The following TEX14 variants were observed in gnomAD, a reference collection of about 807,000 sequenced individuals.
TEX14 encodes the protein inactive serine/threonine-protein kinase TEX14.
Under a neutral mutation model 178.6 loss-of-function variants are expected in TEX14, and 168 were observed. That is an observed-to-expected ratio of 0.94 (90% CI 0.83 to 1.07). The LOEUF is 1.07. Ranked by LOEUF, TEX14 falls within the 50% of genes least tolerant of loss-of-function variation. The pLI, the probability that TEX14 is intolerant of heterozygous loss-of-function variation, is 0.00. For synonymous variants in TEX14, 626 were observed against 634.1 expected, an observed-to-expected ratio of 0.99 and a Z score of 0.19; for missense variants, 1,730 against 1,753.6, an observed-to-expected ratio of 0.99 and a Z score of 0.24.
At chr17:58,639,252 C>T (rs966764052) in intron 2 of TEX14, among the ~76,000 whole-genome samples, 3 of 151,828 alleles carry the variant, frequency 2.0e-5, no homozygotes, top group Admixed American at 6.6e-5. Context: ...GCTATGAGGA[C>T]GCAAAGGCAT....
intron 2 of TEX14, among the ~76,000 whole-genome samples, chr17:58,631,364 C>T (rs149928192): frequency 1.1e-4 from 16 of 152,192 alleles, no homozygotes; most frequent in Non-Finnish European, 2.2e-4. Flanking sequence ...GAAACTGAAG[C>T]ATGAGGACTG....
chr17:58,619,725 C>A lies in TEX14; in HGVS notation c.554+1925G>T, dbSNP rs190767109. On this transcript the variant is annotated intron_variant, in intron 5 of 31. Coordinates refer to ENST00000349033, the MANE Select transcript of TEX14 (RefSeq NM_031272.5). ...GCTGAGGCAGGAGAATTGCTTGAACCCAGGAGACAGAGGTTGTGGTGAGCC... is the reference window on the plus strand; with the variant it reads ...GCTGAGGCAGGAGAATTGCTTGAACACAGGAGACAGAGGTTGTGGTGAGCC... Among the ~76,000 whole-genome samples, 39 of 150,782 alleles carry A rather than the reference C, an allele frequency of 2.6e-4. 1 individual carries two copies. In the East Asian group the frequency reaches 6.0e-3, roughly 23 times the overall value.
intron 1 of TEX14, among the ~76,000 whole-genome samples, chr17:58,667,985 C>G (rs1446511992): frequency 6.6e-6 from 1 of 151,476 alleles, no homozygotes; most frequent in Non-Finnish European, 1.5e-5. Flanking sequence ...TGTGCATGTT[C>G]TTGTAAAATC....
intron 1 of TEX14, chr17:58,677,762 C>G (rs1321566046): frequency 6.6e-6 from 1 of 152,232 alleles, no homozygotes; most frequent in Non-Finnish European, 1.5e-5. Flanking sequence ...TGCCTGACAT[C>G]TCACCCTCAG....
chr17:58,561,554 C>T lies in TEX14; in HGVS notation c.4123G>A (p.Val1375Met), dbSNP rs367928638. ...ERWLQPPEES[V>M]ELQDLPKGSE... ...CCCTTGGGAAGGTCTTGTAGCTCCA[C>T]GCTCTCCTCAGGTGGCTGCAGCCAT... is the stretch of plus-strand genomic sequence containing the variant. Residue 1375 changes from valine (V) to methionine (M), a missense_variant, in exon 29 of 32, where the codon GTG becomes ATG. Physicochemically the swap from Val to Met is conservative, Grantham distance 21. Around this residue, in one of 2 missense-constraint regions of TEX14, gnomAD observed 941 missense variants for 1,072.4 expected, o/e 0.88. Coordinates refer to ENST00000349033, the MANE Select transcript of TEX14 (RefSeq NM_031272.5). 8.1e-6 allele frequency: 13 copies of T among 1,613,818 alleles called. No homozygotes were observed. Among genetic ancestry groups the T allele is most frequent in the East Asian group, 4.5e-5 (2 of 44,890 alleles).
rs376389660 is a variant in TEX14, at chr17:58,644,031, A to C, written c.136+7835T>G. On this transcript the variant is annotated intron_variant, in intron 2 of 31. Transcript: ENST00000349033. ...TATTCACACCTGTGTTACATGACGG[A>C]GGTAGGTTACCAAAAAGACCAAGCT... is the stretch of plus-strand genomic sequence containing the variant. 6.6e-5 allele frequency among the ~76,000 whole-genome samples: 10 copies of C among 151,550 alleles called. No individual in the cohort carries two copies. In the South Asian group the frequency reaches 2.1e-3, roughly 32 times the overall value.
chr17:58,561,443 T>A, intron 29 of TEX14, 77 bp downstream of exon 29: 1 of 966,262 alleles, frequency 1.0e-6, no homozygotes, highest in Non-Finnish European at 1.7e-6. Flanking sequence ...CATCAGGCAT[T>A]CATTCTCCAA....
rs9916781 is a variant in TEX14, at chr17:58,638,878, T to C, written c.137-8324A>G. On this transcript the variant is annotated intron_variant, in intron 2 of 31. Transcript: ENST00000349033. ...TCTTTTTTTTTTTTTTTTTTTTTTT[T>C]GGGGAGACGGAGTCTTGCTCTGTTG... Among the ~76,000 whole-genome samples the C allele has an allele frequency of 4.9e-5, 6 of 123,408 alleles. 1 individual carries two copies. The Middle Eastern group carries it at 0.02, about 415-fold the overall frequency. The allele number at this position is 123,408 out of a possible 152,430, so 81.0% of individuals were successfully genotyped here. A position where few individuals can be genotyped will look rare whatever the true frequency, so the allele number is the denominator to read the frequency against.
In TEX14 at chr17:58,622,910, G is replaced by A. The variant is rs768956440; in HGVS notation, c.354C>T (p.His118=). ...TCTTCGGGTTTTGACCCCTCTCATCGTGGAGTCGCAGGTCACCTCCTGCAT... is the reference window on the plus strand; with the variant it reads ...TCTTCGGGTTTTGACCCCTCTCATCATGGAGTCGCAGGTCACCTCCTGCAT... ...LLDAGGDLRL[H]DERGQNPKTW... is the part of the protein sequence containing the mutation. The change falls in exon 4 of 32, where the codon CAC becomes CAT. Residue 118 remains histidine, a synonymous_variant. Transcript: ENST00000349033. The A allele has an allele frequency of 1.2e-5, 19 of 1,613,094 alleles. No homozygotes were observed. The East Asian group carries it at 1.6e-4, about 13-fold the overall frequency.
At chr17:58,682,542 G>A (rs769430352) in intron 1 of TEX14, among the ~76,000 whole-genome samples, 17 of 152,124 alleles carry the variant, frequency 1.1e-4, no homozygotes, top group Non-Finnish European at 2.2e-4. Flanking sequence ...ACAGGTGTGA[G>A]CCACCACGAC....
In TEX14 at chr17:58,577,076, A is replaced by G. The variant is rs2044695843; in HGVS notation, c.3320+299T>C. Among the ~76,000 whole-genome samples the G allele has an allele frequency of 3.9e-5, 6 of 152,198 alleles. No homozygotes were observed. In the South Asian group the frequency reaches 1.2e-3, roughly 31 times the overall value. Reference sequence around the variant, plus strand: ...ATTATTACTTTAAGTTCCTATTGTCAACATTCTCAGTAAGGATTCTTATCC... The same window carrying G: ...ATTATTACTTTAAGTTCCTATTGTCGACATTCTCAGTAAGGATTCTTATCC... On this transcript the variant is annotated intron_variant, in intron 21 of 31. Coordinates refer to ENST00000349033, the MANE Select transcript of TEX14 (RefSeq NM_031272.5).
Position 58,653,652 on chromosome 17 carries a change from G to A in TEX14, c.-1-1650C>T, listed in dbSNP as rs116061852. Among the ~76,000 whole-genome samples the A allele has an allele frequency of 9.0e-3, 1,369 of 152,212 alleles. 19 individuals are homozygous for A. Among genetic ancestry groups the A allele is most frequent in the African/African-American group, 0.031 (1,284 of 41,524 alleles). On this transcript the variant is annotated intron_variant, in intron 1 of 31. Coordinates refer to ENST00000349033, the MANE Select transcript of TEX14 (RefSeq NM_031272.5). ...AGGTCTCTTTCCATCTCCTTATTCT[G>A]CAGCCCTATGATTAAACCTCTTTCT... is the stretch of plus-strand genomic sequence containing the variant.
At chr17:58,603,827 C>T (rs1321457449) in intron 11 of TEX14, among the ~76,000 whole-genome samples, 7 of 146,972 alleles carry the variant, frequency 4.8e-5, no homozygotes, top group Non-Finnish European at 1.0e-4. Context: ...GCACTTCAGC[C>T]TGGGCAACAG....
Position 58,556,942 on chromosome 17 carries a change from G to A in TEX14, c.*69C>T, listed in dbSNP as rs2044147309. 9 of 1,275,986 alleles carry A rather than the reference G, an allele frequency of 7.1e-6. No individual in the cohort carries two copies. In the East Asian group the frequency reaches 9.2e-5, roughly 13 times the overall value. 79.0% of individuals were successfully genotyped at this position (1,275,986 alleles called of 1,614,324 possible). The stretch of plus-strand genomic sequence containing the variant: ...GCCCTGACAGCAACTGAAGCAGAAA[G>A]AGAAGAAAGGAGCTTACAACCAGGA... On this transcript the variant is annotated 3_prime_UTR_variant, in exon 32 of 32. Coordinates refer to ENST00000349033, the MANE Select transcript of TEX14 (RefSeq NM_031272.5).
chr17:58,639,757 C>T (rs528152736), intron 2 of TEX14, among the ~76,000 whole-genome samples: 52 of 152,184 alleles, frequency 3.4e-4, no homozygotes, highest in African/African-American at 1.1e-3. Context: ...AGGCTGGATC[C>T]GGTAATTGAT....
intron 6 of TEX14, among the ~76,000 whole-genome samples, chr17:58,616,605 T>C (rs1028112687): frequency 2.6e-5 from 4 of 151,990 alleles, no homozygotes; most frequent in Admixed American, 1.3e-4. Flanking sequence ...TAATTTTTTT[T>C]TTAAATAGAG....
chr17:58,570,102 C>A lies in TEX14; in HGVS notation c.3817+283G>T, dbSNP rs986999231. Among the ~76,000 whole-genome samples the A allele has an allele frequency of 2.0e-5, 3 of 151,662 alleles. No homozygotes were observed. The East Asian group carries it at 5.8e-4, about 29-fold the overall frequency. ...GGAATAAAGCAGTCCAGAACTGATA[C>A]ACAATATGATCTCACTATGCTAAAA... is the stretch of plus-strand genomic sequence containing the variant. On this transcript the variant is annotated intron_variant, in intron 25 of 31. Coordinates refer to ENST00000349033, the MANE Select transcript of TEX14 (RefSeq NM_031272.5).
At chr17:58,669,260 A>T (rs2047263413) in intron 1 of TEX14, among the ~76,000 whole-genome samples, 2 of 150,268 alleles carry the variant, frequency 1.3e-5, no homozygotes, top group Non-Finnish European at 3.0e-5. Context: ...GCTGAGGCAG[A>T]AGAATGGCTT....
intron 1 of TEX14, among the ~76,000 whole-genome samples, chr17:58,689,653 G>A (rs2047658586): frequency 1.3e-5 from 2 of 151,996 alleles, no homozygotes; most frequent in South Asian, 2.1e-4. Context: ...TTCCCTCCCT[G>A]AAAGATTTTT....
Sources: allele counts gnomAD v4.1 joint callset (sites outside exome capture counted in the v4.1 genomes callset), GRCh38; gene constraint gnomAD v4.1.1; regional missense constraint gnomAD v4.1.1; transcripts MANE v1.5; gene names NCBI Gene and HGNC (gene_info 2026-07-23, HGNC 2026-07-21).